Variants in SPMIP8 observed in about 807,000 individuals in gnomAD.
The protein encoded by SPMIP8 is sperm microtubule inner protein 8.
the SPMIP8 span, chr16:57,985,968 A>G: frequency 6.3e-7 from 1 of 1,593,688 alleles, no homozygotes. Context: ...GTCCCGCCCC[A>G]CAGCCAACCA....
the SPMIP8 span, chr16:57,977,763 G>T: frequency 1.9e-6 from 3 of 1,568,090 alleles, no homozygotes; most frequent in Non-Finnish European, 2.6e-6. Flanking sequence ...AGAGAAGGGT[G>T]TCTGGCCAGC....
chr16:57,981,715 C>G, the SPMIP8 span, among the ~76,000 whole-genome samples: 1 of 151,748 alleles, frequency 6.6e-6, no homozygotes, highest in Non-Finnish European at 1.5e-5. Flanking sequence ...GGGGTTTCAC[C>G]ATGTTGGCCA....
chr16:57,986,236 C>G, the SPMIP8 span: 1 of 367,448 alleles, frequency 2.7e-6, no homozygotes, highest in African/African-American at 2.1e-5. Flanking sequence ...AGAAAACAGA[C>G]AAATAAGAAA....
At chr16:57,977,225 C>A in the SPMIP8 span, among the ~76,000 whole-genome samples, 1 of 151,924 alleles carries the variant, frequency 6.6e-6, no homozygotes, top group Non-Finnish European at 1.5e-5. Context: ...GCCTGGCCAA[C>A]ACAGTGAAAC....
the SPMIP8 span, chr16:57,985,330 C>G: frequency 6.4e-7 from 1 of 1,557,682 alleles, no homozygotes; most frequent in Non-Finnish European, 8.7e-7. Flanking sequence ...TGGGGAGCGG[C>G]TTAAGCCGGG....
At chr16:57,985,461 T>TA in the SPMIP8 span, 2 of 1,613,742 alleles carry the variant, frequency 1.2e-6, no homozygotes, top group African/African-American at 2.7e-5. Context: ...ACCGCGCCCC[T>TA]ATCCCTGCTG....
the SPMIP8 span, among the ~76,000 whole-genome samples, chr16:57,979,382 G>A: frequency 6.6e-6 from 1 of 152,130 alleles, no homozygotes; most frequent in East Asian, 1.9e-4. Flanking sequence ...CAGGGAAAAG[G>A]GGCACCCACA....
the SPMIP8 span, chr16:57,984,940 C>A: frequency 5.4e-6 from 7 of 1,300,056 alleles, no homozygotes; most frequent in Non-Finnish European, 7.3e-6. Flanking sequence ...TGAGATGAAG[C>A]TGTGGCACTT....
At chr16:57,977,800 C>T in the SPMIP8 span, 1 of 1,607,038 alleles carries the variant, frequency 6.2e-7, no homozygotes, top group African/African-American at 1.3e-5. Flanking sequence ...CCCCTTAGAA[C>T]CCTCTGCCCC....
At chr16:57,981,413 A>AATT in the SPMIP8 span, among the ~76,000 whole-genome samples, 8 of 137,474 alleles carry the variant, frequency 5.8e-5, no homozygotes, top group Admixed American at 2.2e-4. Flanking sequence ...TTATAATAAT[A>AATT]ATTATTATTA....
At chr16:57,985,077 T>C in the SPMIP8 span, 16 of 1,170,730 alleles carry the variant, frequency 1.4e-5, no homozygotes, top group Admixed American at 9.2e-5. Context: ...GCGGGACCTG[T>C]TCTCCGTACA....
At chr16:57,981,989 C>T in the SPMIP8 span, among the ~76,000 whole-genome samples, 1 of 152,108 alleles carries the variant, frequency 6.6e-6, no homozygotes, top group East Asian at 1.9e-4. Context: ...GCGGAGACCT[C>T]AGGATTTTAT....
At chr16:57,987,502 G>T in the SPMIP8 span, 16 of 1,494,808 alleles carry the variant, frequency 1.1e-5, no homozygotes, top group Non-Finnish European at 5.4e-6. Context: ...GAGGACTTAT[G>T]GTGGCACCAG....
chr16:57,978,400 C>T, the SPMIP8 span, among the ~76,000 whole-genome samples: 4 of 151,882 alleles, frequency 2.6e-5, no homozygotes, highest in Non-Finnish European at 5.9e-5. Flanking sequence ...CTTAACCAGG[C>T]GTGGTGGCAG....
chr16:57,984,717 G>A, the SPMIP8 span: 2 of 1,601,588 alleles, frequency 1.2e-6, no homozygotes, highest in East Asian at 4.5e-5. Context: ...CATCAACCGA[G>A]TGGACTGGCC....
the SPMIP8 span, chr16:57,985,673 AC>A: frequency 7.5e-7 from 1 of 1,337,706 alleles, no homozygotes; most frequent in Non-Finnish European, 1.0e-6. Flanking sequence ...GCTCCAATAC[AC>A]CAGAAACAAA....
the SPMIP8 span, chr16:57,984,258 A>G: frequency 2.5e-6 from 4 of 1,602,066 alleles, no homozygotes; most frequent in South Asian, 2.2e-5. Context: ...ACCTCTGACC[A>G]CTGGTGAAGG....
At chr16:57,987,413 C>G in the SPMIP8 span, 8 of 1,597,816 alleles carry the variant, frequency 5.0e-6, no homozygotes, top group Non-Finnish European at 5.1e-6. Flanking sequence ...AACTACCTGA[C>G]CCCCTGGCAT....
chr16:57,977,791 C>T, the SPMIP8 span: 2 of 1,599,424 alleles, frequency 1.3e-6, no homozygotes, highest in Admixed American at 1.7e-5. Context: ...CAGGGTGAGC[C>T]CCTTAGAACC....
Sources: allele counts gnomAD v4.1 joint callset (sites outside exome capture counted in the v4.1 genomes callset), GRCh38; gene constraint gnomAD v4.1.1; transcripts MANE v1.5; gene names NCBI Gene and HGNC (gene_info 2026-07-23, HGNC 2026-07-21).